ADAM9: variants seen among roughly 807,000 people sequenced by gnomAD.
ADAM9 encodes the protein ADAM metallopeptidase domain 9, also known as disintegrin and metalloproteinase domain-containing protein 9.
In ADAM9, 54 loss-of-function variants were observed where a neutral mutation model predicts 108.1. The ratio of observed to expected loss-of-function variants is 0.50; its 90% CI spans 0.40 to 0.63. ADAM9 has a LOEUF of 0.63. ADAM9 is among the 20% of genes least tolerant of loss of function. The probability of loss-of-function intolerance (pLI) is 0.00; values close to 1 mark genes in which losing one functional copy is unlikely to be tolerated. For missense variants in ADAM9, 830 were observed against 997.7 expected, an observed-to-expected ratio of 0.83 and a Z score of 2.26; for synonymous variants, 316 against 336.0, an observed-to-expected ratio of 0.94 and a Z score of 0.65.
rs1043025467 is a variant in ADAM9 at position 39,055,603 on chromosome 8, A to G, written c.1422A>G (p.Arg474=). ...CRFLPGGTLC[R]GKTSECDVPE... ...TCCTTCCAGGAGGTACTTTATGCCGAGGAAAAACCAGTGAGTGTGATGTTC... is the reference window on the plus strand; with the variant it reads ...TCCTTCCAGGAGGTACTTTATGCCGGGGAAAAACCAGTGAGTGTGATGTTC... The change falls in exon 14 of 22, where the codon CGA becomes CGG. Residue 474 remains arginine (R), a synonymous_variant. Transcript: ENST00000487273. 8 of 1,613,740 alleles carry G rather than the reference A, an allele frequency of 5.0e-6. No individual in the cohort carries two copies. Among genetic ancestry groups the G allele is most frequent in the Non-Finnish European group, 6.8e-6 (8 of 1,179,704 alleles).
intron 12 of ADAM9, among the ~76,000 whole-genome samples, chr8:39,049,277 G>A (rs1190339228): frequency 3.3e-5 from 5 of 151,770 alleles, no homozygotes; most frequent in Non-Finnish European, 5.9e-5. Context: ...CTTAGAGCGT[G>A]CATAAAATAT....
At chr8:39,045,473 C>CACACCTATATGTGCGTGTGTAT (rs1554579243) in intron 12 of ADAM9, among the ~76,000 whole-genome samples, 3 of 92,504 alleles carry the variant, frequency 3.2e-5, no homozygotes, top group East Asian at 3.0e-4. Context: ...CGTGTGTGTA[C>CACACCTATATGTGCGTGTGTAT]ACACACCTAT....
intron 9 of ADAM9, among the ~76,000 whole-genome samples, chr8:39,023,899 C>T (rs1006769954): frequency 6.6e-5 from 10 of 151,746 alleles, no homozygotes; most frequent in African/African-American, 1.9e-4. Flanking sequence ...GGTGCCTGCC[C>T]CCACACCTGG....
intron 5 of ADAM9, among the ~76,000 whole-genome samples, 177 bp downstream of exon 5, chr8:39,016,371 G>C (rs1216229837): frequency 1.3e-5 from 2 of 152,074 alleles, no homozygotes; most frequent in Non-Finnish European, 2.9e-5. Context: ...ATTTAAGAAA[G>C]TATTATAGTT....
At chr8:39,034,243 A>G (rs1000007634) in intron 11 of ADAM9, among the ~76,000 whole-genome samples, 4 of 152,160 alleles carry the variant, frequency 2.6e-5, no homozygotes, top group African/African-American at 9.7e-5. Flanking sequence ...ATATTTCTAG[A>G]ATGGAAATTA....
At chr8:39,022,305 T>C (rs1836773830) in intron 8 of ADAM9, among the ~76,000 whole-genome samples, 1 of 152,226 alleles carries the variant, frequency 6.6e-6, no homozygotes, top group African/African-American at 2.4e-5. Context: ...GTGCTTTACA[T>C]TTATTAACCC....
intron 20 of ADAM9, among the ~76,000 whole-genome samples, chr8:39,096,913 C>G (rs1488969479): frequency 6.6e-6 from 1 of 152,026 alleles, no homozygotes; most frequent in Non-Finnish European, 1.5e-5. Flanking sequence ...TTTTAGTTGT[C>G]CATCTGCATT....
chr8:39,101,609 G>A (rs1177174750), intron 20 of ADAM9, among the ~76,000 whole-genome samples: 7 of 152,038 alleles, frequency 4.6e-5, no homozygotes, highest in African/African-American at 1.7e-4. Flanking sequence ...TATGTATGAG[G>A]CCTATATGAA....
chr8:39,038,615 G>A (rs1360912082), intron 11 of ADAM9, among the ~76,000 whole-genome samples: 3 of 151,896 alleles, frequency 2.0e-5, no homozygotes, highest in Admixed American at 1.3e-4. Context: ...CCTTTACATG[G>A]GCAGGGATTT....
intron 18 of ADAM9, among the ~76,000 whole-genome samples, chr8:39,085,837 GT>G (rs1839165099): frequency 6.6e-6 from 1 of 151,766 alleles, no homozygotes; most frequent in African/African-American, 2.4e-5. Context: ...TGCTTTTATA[GT>G]TTTCTTCAAA....
chr8:39,055,859 A>T, intron 14 of ADAM9, 87 bp downstream of exon 14: 1 of 1,365,854 alleles, frequency 7.3e-7, no homozygotes, highest in Non-Finnish European at 1.0e-6. Flanking sequence ...AACATTATTG[A>T]TAAAGTTGAG....
intron 14 of ADAM9, among the ~76,000 whole-genome samples, chr8:39,065,562 A>G (rs1838435788): frequency 6.8e-6 from 1 of 146,410 alleles, no homozygotes; most frequent in African/African-American, 2.5e-5. Flanking sequence ...CGGGAGGCTG[A>G]GGCAGGAGAA....
chr8:39,041,053 G>A (rs1027706711), intron 11 of ADAM9, among the ~76,000 whole-genome samples: 5 of 152,002 alleles, frequency 3.3e-5, no homozygotes, highest in African/African-American at 1.2e-4. Flanking sequence ...AATGATTTTT[G>A]GATATCACAC....
chr8:39,058,630 A>T (rs1838200966), intron 14 of ADAM9, among the ~76,000 whole-genome samples: 1 of 152,164 alleles, frequency 6.6e-6, no homozygotes, highest in Admixed American at 6.5e-5. Flanking sequence ...TGGCATAGAA[A>T]CTGCCTTCTT....
At chr8:39,057,482 T>C (rs963588336) in intron 14 of ADAM9, among the ~76,000 whole-genome samples, 1 of 127,558 alleles carries the variant, frequency 7.8e-6, no homozygotes, top group African/African-American at 2.6e-5. Context: ...TGAGCCCATA[T>C]ATGAATTGGC....
chr8:39,096,615 A>G (rs1268226185), intron 20 of ADAM9, among the ~76,000 whole-genome samples: 3 of 152,126 alleles, frequency 2.0e-5, no homozygotes, highest in Non-Finnish European at 4.4e-5. Context: ...CTATACACTT[A>G]CCATTATTAT....
At chr8:39,013,793 C>T (rs1274985843) in intron 3 of ADAM9, among the ~76,000 whole-genome samples, 172 bp from the exon 4 acceptor site, 1 of 152,098 alleles carries the variant, frequency 6.6e-6, no homozygotes, top group Non-Finnish European at 1.5e-5. Context: ...TGAGCCACTG[C>T]ACCCAGCTGT....
At chr8:38,997,966 A>G (rs1016888846) in intron 1 of ADAM9, among the ~76,000 whole-genome samples, 1 of 152,250 alleles carries the variant, frequency 6.6e-6, no homozygotes, top group African/African-American at 2.4e-5. Flanking sequence ...GGAGATGCCC[A>G]AACATAGTGG....
intron 4 of ADAM9, chr8:39,014,780 G>T: frequency 4.4e-6 from 2 of 458,850 alleles, no homozygotes; most frequent in Non-Finnish European, 7.7e-6. Flanking sequence ...GTTTCTGTTG[G>T]TAGCGCACTT....
Sources: allele counts gnomAD v4.1 joint callset (sites outside exome capture counted in the v4.1 genomes callset), GRCh38; gene constraint gnomAD v4.1.1; transcripts MANE v1.5; gene names NCBI Gene and HGNC (gene_info 2026-07-23, HGNC 2026-07-21).